Variants in HYAL4 observed in about 807,000 individuals in gnomAD.
The protein encoded by HYAL4 is hyaluronidase 4, also known as hyaluronidase-4.
A neutral mutation model predicts 35.2 loss-of-function variants in HYAL4; 37 were observed. The ratio of observed to expected loss-of-function variants is 1.05; its 90% CI spans 0.81 to 1.38. The LOEUF (loss-of-function observed/expected upper bound fraction) is 1.38, where lower values mean the gene tolerates loss of function less well. Ranked by LOEUF, HYAL4 falls within the 40% of genes most tolerant of loss-of-function variation. The pLI is 0.00. For missense variants in HYAL4, 572 were observed against 572.4 expected (o/e 1.00, Z 0.01); for synonymous variants, 198 against 203.2 (o/e 0.97, Z 0.22).
intron 2 of HYAL4, among the ~76,000 whole-genome samples, chr7:123,848,620 T>C (rs1376143176): frequency 6.6e-6 from 1 of 152,238 alleles, no homozygotes. Context: ...TTTGAATCAA[T>C]AGATGTAAAG....
chr7:123,802,658 C>T, the HYAL4 span, among the ~76,000 whole-genome samples: 1 of 151,754 alleles, frequency 6.6e-6, no homozygotes, highest in African/African-American at 2.4e-5. Context: ...CGTTACTCTT[C>T]AACGCCCTAT....
chr7:123,849,131 T>TG (rs1380149134), intron 2 of HYAL4, among the ~76,000 whole-genome samples: 2 of 152,128 alleles, frequency 1.3e-5, no homozygotes, highest in African/African-American at 4.8e-5. Context: ...TTAATAATGA[T>TG]GGGGAAAATG....
At chr7:123,783,960 A>G in the HYAL4 span, among the ~76,000 whole-genome samples, 1 of 152,252 alleles carries the variant, frequency 6.6e-6, no homozygotes, top group Admixed American at 6.5e-5. Flanking sequence ...AATAATTGTC[A>G]TAAAATGTGT....
At chr7:123,797,534 C>G in the HYAL4 span, among the ~76,000 whole-genome samples, 1 of 152,084 alleles carries the variant, frequency 6.6e-6, no homozygotes, top group Non-Finnish European at 1.5e-5. Context: ...AAAAACAAAA[C>G]AAAAATAAAA....
At chr7:123,866,953 G>A in intron 2 of HYAL4, among the ~76,000 whole-genome samples, 1 of 152,130 alleles carries the variant, frequency 6.6e-6, no homozygotes, top group Non-Finnish European at 1.5e-5. Context: ...ACCACGCCAA[G>A]CTAATTTTTG....
chr7:123,870,713 T>G (rs1181591006), intron 3 of HYAL4, among the ~76,000 whole-genome samples: 1 of 151,616 alleles, frequency 6.6e-6, no homozygotes, highest in Non-Finnish European at 1.5e-5. Context: ...TGAGCCGAGA[T>G]TGTGCCACTG....
intron 4 of HYAL4, 48 bp downstream of exon 4, chr7:123,874,898 T>C (rs1299184748): frequency 9.2e-7 from 1 of 1,082,462 alleles, no homozygotes; most frequent in Non-Finnish European, 1.4e-6. Context: ...ATTAAAAGTA[T>C]TTCTCTGCTT....
chr7:123,857,819 A>G (rs141666240), intron 2 of HYAL4, among the ~76,000 whole-genome samples: 51 of 152,138 alleles, frequency 3.4e-4, no homozygotes, highest in African/African-American at 1.0e-3. Flanking sequence ...GATTGGCACA[A>G]TTCAGTTGCA....
chr7:123,811,430 A>G, the HYAL4 span, among the ~76,000 whole-genome samples: 5 of 152,172 alleles, frequency 3.3e-5, no homozygotes, highest in Admixed American at 2.0e-4. Context: ...TTAATTTGCA[A>G]TTCTCTAAGG....
Position 123,869,220 on chromosome 7 carries a change from T to C in HYAL4, c.947T>C (p.Leu316Pro). ...LGYRDEPLFF[L>P]SKQDLVSTIG... is the part of the protein sequence containing the mutation. ...TACAGAGATGAACCTTTATTTTTCC[T>C]TTCTAAGGTAAGAAGCTTCTTGTCC... Residue 316 changes from leucine (L) to proline (P), a missense_variant, in exon 3 of 5, where the codon CTT (leucine) becomes CCT (proline). Transcript: ENST00000223026. 6.3e-7 allele frequency: 1 copy of C among 1,586,758 alleles called. No individual in the cohort carries two copies. Among genetic ancestry groups the C allele is most frequent in the Non-Finnish European group, 8.6e-7 (1 of 1,165,398 alleles).
At chr7:123,824,692 C>G (rs1436605198), upstream of HYAL4, among the ~76,000 whole-genome samples, 2 of 152,090 alleles carry the variant, frequency 1.3e-5, no homozygotes, top group Non-Finnish European at 2.9e-5. Context: ...CCTACATTCC[C>G]TTTGCCCTTG....
chr7:123,825,130 A>C (rs990876353), upstream of HYAL4, among the ~76,000 whole-genome samples: 7 of 151,844 alleles, frequency 4.6e-5, no homozygotes, highest in Non-Finnish European at 7.4e-5. Flanking sequence ...CTCTCTCTAT[A>C]TATATATCTA....
rs1261611274 is a variant in HYAL4 at position 123,868,376 on chromosome 7, C to A, written c.103C>A (p.Leu35Ile). Residue 35 changes from leucine to isoleucine, a missense_variant, in exon 3 of 5, where the codon CTA becomes ATA. Physicochemically the swap from Leu to Ile is conservative, Grantham distance 5 (BLOSUM62 2). Coordinates refer to ENST00000223026, the MANE Select transcript of HYAL4 (RefSeq NM_012269.3). Reference sequence around the variant, plus strand: ...TTTTATTCTAAAGTCTATCTCTTGTCTAAAACCTGCTCGACTTCCAATTTA... The same window carrying A: ...TTTTATTCTAAAGTCTATCTCTTGTATAAAACCTGCTCGACTTCCAATTTA... Reference protein sequence around the residue: ...IFFILKSISCLKPARLPIYQR... With the variant: ...IFFILKSISCIKPARLPIYQR... 3.1e-6 allele frequency: 5 copies of A among 1,612,336 alleles called. No individual in the cohort carries two copies. The Admixed American group carries it at 8.4e-5, about 27-fold the overall frequency.
At chr7:123,783,459 A>T in the HYAL4 span, among the ~76,000 whole-genome samples, 1 of 152,244 alleles carries the variant, frequency 6.6e-6, no homozygotes, top group Non-Finnish European at 1.5e-5. Flanking sequence ...AACAAGACAT[A>T]AATGAAGTGA....
At chr7:123,829,546 G>A (rs1396198395) in intron 1 of HYAL4, among the ~76,000 whole-genome samples, 1 of 152,170 alleles carries the variant, frequency 6.6e-6, no homozygotes, top group Non-Finnish European at 1.5e-5. Context: ...TTTACCTCAT[G>A]CAAGGCAATA....
Position 123,877,387 on chromosome 7 carries a change from T to C in HYAL4, c.*232T>C. ...CTTCCTCCTTATTGGAATATTTAAG[T>C]TGCATTTAAACTAAAACTAGTATAA... On this transcript the variant is annotated 3_prime_UTR_variant, in exon 5 of 5. Coordinates refer to ENST00000223026, the MANE Select transcript of HYAL4 (RefSeq NM_012269.3). 1 of 431,848 alleles carries C rather than the reference T, an allele frequency of 2.3e-6. No homozygotes were observed. The highest frequency in any genetic ancestry group is 3.5e-5 in the East Asian group (1 of 28,764). The allele number at this position is 431,848 out of a possible 1,614,324, so 26.8% of individuals were successfully genotyped here. A position where few individuals can be genotyped will look rare whatever the true frequency, so the allele number is the denominator to read the frequency against.
intron 3 of HYAL4, among the ~76,000 whole-genome samples, chr7:123,871,457 G>C (rs185897509): frequency 6.6e-6 from 1 of 152,056 alleles, no homozygotes; most frequent in Non-Finnish European, 1.5e-5. Context: ...CTCCCAAAGC[G>C]CTGGGATTTT....
At chr7:123,769,730 C>T in the HYAL4 span, among the ~76,000 whole-genome samples, 3 of 151,350 alleles carry the variant, frequency 2.0e-5, no homozygotes, top group Admixed American at 2.0e-4. Context: ...ACAATGCAAA[C>T]ATCGGTCTGC....
intron 2 of HYAL4, among the ~76,000 whole-genome samples, chr7:123,854,517 G>A (rs764327071): frequency 5.3e-5 from 8 of 152,142 alleles, no homozygotes; most frequent in Non-Finnish European, 1.0e-4. Flanking sequence ...CAGTTCCCAC[G>A]TAGTTGTGTG....
Sources: gnomAD v4.1 joint callset for allele counts (sites outside exome capture counted in the v4.1 genomes callset) on GRCh38, gnomAD v4.1.1 for gene constraint, MANE v1.5 for transcripts, NCBI Gene and HGNC (gene_info 2026-07-23, HGNC 2026-07-21) for gene names.